The following LRRC69 variants were observed in gnomAD, a reference collection of about 807,000 sequenced individuals.
The protein encoded by LRRC69 is leucine rich repeat containing 69, also known as leucine-rich repeat-containing protein 69.
In LRRC69, 42 loss-of-function variants were observed where a neutral mutation model predicts 37.8. The observed-to-expected ratio is 1.11, with a 90% CI of 0.87 to 1.44. The LOEUF (loss-of-function observed/expected upper bound fraction) is 1.44. LRRC69 is among the 40% of genes most tolerant of loss of function. The probability of loss-of-function intolerance (pLI) is 0.00; values close to 1 mark genes in which losing one functional copy is unlikely to be tolerated. For missense variants in LRRC69, 357 were observed against 401.9 expected, an observed-to-expected ratio of 0.89 and a Z score of 0.96; for synonymous variants, 141 against 143.1, an observed-to-expected ratio of 0.99 and a Z score of 0.11.
chr8:91,139,561 T>C (rs1808496816), intron 5 of LRRC69, among the ~76,000 whole-genome samples: 1 of 150,176 alleles, frequency 6.7e-6, no homozygotes, highest in African/African-American at 2.4e-5. Flanking sequence ...CAGGCGTATG[T>C]ACAGGAGAAT....
At chr8:91,111,584 A>G (rs1813410903) in intron 1 of LRRC69, among the ~76,000 whole-genome samples, 1 of 152,036 alleles carries the variant, frequency 6.6e-6, no homozygotes, top group South Asian at 2.1e-4. Context: ...TTCCAGGGAC[A>G]TGGATGGAGC....
intron 5 of LRRC69, among the ~76,000 whole-genome samples, chr8:91,150,561 C>G (rs1808714853): frequency 6.6e-6 from 1 of 151,696 alleles, no homozygotes; most frequent in Non-Finnish European, 1.5e-5. Context: ...TTTGTTGTGT[C>G]TCTGCCAGGC....
intron 5 of LRRC69, among the ~76,000 whole-genome samples, chr8:91,156,277 G>A (rs1239448062): frequency 1.3e-5 from 2 of 151,048 alleles, no homozygotes; most frequent in Non-Finnish European, 3.0e-5. Flanking sequence ...ACTGGGATGA[G>A]ATATGTCTTA....
intron 7 of LRRC69, among the ~76,000 whole-genome samples, chr8:91,212,533 A>G (rs1464357895): frequency 6.6e-6 from 1 of 152,180 alleles, no homozygotes; most frequent in African/African-American, 2.4e-5. Context: ...TGTAACTTTA[A>G]TTCCTTTTTT....
Position 91,197,131 on chromosome 8 carries a change from G to C in LRRC69, c.754-3482G>C. Among the ~76,000 whole-genome samples the C allele has an allele frequency of 1.3e-5, 2 of 152,114 alleles. 1 individual carries two copies. The highest frequency in any genetic ancestry group is 2.9e-5 in the Non-Finnish European group (2 of 68,016). ...AGGTGTCAGTGTGCCCCTGCTGGGG[G>C]GTGCCTCCCAGTTAGGCTACTCGGG... On this transcript the variant is annotated intron_variant, in intron 6 of 7. Coordinates refer to ENST00000448384, the Ensembl canonical transcript of LRRC69.
intron 7 of LRRC69, among the ~76,000 whole-genome samples, chr8:91,204,749 C>T (rs933331832): frequency 2.0e-5 from 3 of 152,230 alleles, no homozygotes; most frequent in African/African-American, 7.2e-5. Context: ...ACATTTCTAA[C>T]TCCTGGATGA....
chr8:91,173,887 A>C (rs560703207), intron 5 of LRRC69, among the ~76,000 whole-genome samples: 2 of 152,026 alleles, frequency 1.3e-5, no homozygotes, highest in Admixed American at 1.3e-4. Flanking sequence ...TTGTTTCAAC[A>C]TAACGAATTT....
At chr8:91,111,178 G>A (rs990231947) in intron 1 of LRRC69, among the ~76,000 whole-genome samples, 1 of 152,082 alleles carries the variant, frequency 6.6e-6, no homozygotes, top group Non-Finnish European at 1.5e-5. Context: ...ATGCCCATCA[G>A]TGATATGCTG....
intron 5 of LRRC69, among the ~76,000 whole-genome samples, chr8:91,137,872 G>C (rs1433092178): frequency 6.6e-6 from 1 of 152,068 alleles, no homozygotes; most frequent in Non-Finnish European, 1.5e-5. Flanking sequence ...GTGAAAGAGA[G>C]TAAGTTTCAA....
At chr8:91,116,969 T>A (rs747767632) in intron 1 of LRRC69, among the ~76,000 whole-genome samples, 2 of 152,024 alleles carry the variant, frequency 1.3e-5, no homozygotes, top group African/African-American at 2.4e-5. Context: ...ATATCCAAGA[T>A]GTAAGAGAAA....
intron 6 of LRRC69, among the ~76,000 whole-genome samples, chr8:91,196,395 T>G (rs1478710202): frequency 6.6e-6 from 1 of 151,918 alleles, no homozygotes; most frequent in Non-Finnish European, 1.5e-5. Flanking sequence ...TTGGCCTGCC[T>G]TGCTAGATTG....
intron 1 of LRRC69, among the ~76,000 whole-genome samples, chr8:91,118,932 G>C (rs1399580777): frequency 6.6e-6 from 1 of 152,186 alleles, no homozygotes; most frequent in Non-Finnish European, 1.5e-5. Context: ...TCTTCTCAGA[G>C]AGTACTTCTC....
chr8:91,142,141 A>T (rs1808542852), intron 5 of LRRC69, among the ~76,000 whole-genome samples: 2 of 152,114 alleles, frequency 1.3e-5, no homozygotes, highest in South Asian at 4.2e-4. Context: ...TTATTTTTCA[A>T]ACTGCAATCA....
At chr8:91,113,657 AT>A (rs1813450663) in intron 1 of LRRC69, among the ~76,000 whole-genome samples, 1 of 151,906 alleles carries the variant, frequency 6.6e-6, no homozygotes, top group African/African-American at 2.4e-5. Flanking sequence ...CTGGACAATG[AT>A]TTTTTGGATA....
At chr8:91,200,504 C>A in intron 6 of LRRC69, 109 bp from the exon 7 acceptor site, 1 of 670,624 alleles carries the variant, frequency 1.5e-6, no homozygotes. Flanking sequence ...CTTAATTTAA[C>A]AGAATCTAGA....
At chr8:91,107,253 GC>G (rs1360831272) in intron 1 of LRRC69, among the ~76,000 whole-genome samples, 4 of 151,704 alleles carry the variant, frequency 2.6e-5, no homozygotes, top group Non-Finnish European at 5.9e-5. Flanking sequence ...TCCTTCCTCA[GC>G]CTCCCGAGTG....
At chr8:91,155,874 TATATATACACAAC>T (rs1211800365) in intron 5 of LRRC69, among the ~76,000 whole-genome samples, 33 of 148,910 alleles carry the variant, frequency 2.2e-4, no homozygotes, top group African/African-American at 7.1e-4. Flanking sequence ...TGTGTATATA[TATATATACACAAC>T]ATATATATAT....
chr8:91,151,929 G>T (rs1245016948), intron 5 of LRRC69, among the ~76,000 whole-genome samples: 1 of 151,434 alleles, frequency 6.6e-6, no homozygotes, highest in Admixed American at 6.6e-5. Flanking sequence ...ATGTTTCTTG[G>T]CCGCATAAAT....
chr8:91,209,928 T>A (rs949210635), intron 7 of LRRC69, among the ~76,000 whole-genome samples: 2 of 152,194 alleles, frequency 1.3e-5, no homozygotes, highest in African/African-American at 2.4e-5. Context: ...GTTCTTACTA[T>A]ATGCAAGGTA....
Sources: allele counts gnomAD v4.1 joint callset (sites outside exome capture counted in the v4.1 genomes callset), GRCh38; gene constraint gnomAD v4.1.1; transcripts MANE v1.5; gene names NCBI Gene and HGNC (gene_info 2026-07-23, HGNC 2026-07-21).